The following ANO6 variants were observed in gnomAD, a reference collection of about 807,000 sequenced individuals.
The protein encoded by ANO6 is anoctamin-6.
In ANO6, 106 loss-of-function variants were observed where a neutral mutation model predicts 117.5. The ratio of observed to expected loss-of-function variants is 0.90; its 90% confidence interval spans 0.77 to 1.06. The LOEUF (loss-of-function observed/expected upper bound fraction) is 1.06, where lower values mean the gene tolerates loss of function less well. Among genes scored for constraint, ANO6 ranks in the 50% least tolerant of loss-of-function variants. The pLI, the probability that ANO6 is intolerant of heterozygous loss-of-function variation, is 0.00. For synonymous variants in ANO6, 367 were observed against 385.1 expected, an observed-to-expected ratio of 0.95 and a Z score of 0.55; for missense variants, 955 against 1,121.1, an observed-to-expected ratio of 0.85 and a Z score of 2.12.
rs1943013001 is a variant in ANO6 at position 45,408,853 on chromosome 12, A to T, written c.1881-504A>T. Among the ~76,000 whole-genome samples, 11 of 151,412 alleles carry T rather than the reference A, an allele frequency of 7.3e-5. No individual in the cohort carries two copies. The South Asian group carries it at 2.3e-3, about 32-fold the overall frequency. ...TGGGACTTCTTCCCCCAGGTTTCCCACTCCTTTGTCTCCTTCACATCCTTA... is the reference window on the plus strand; with the variant it reads ...TGGGACTTCTTCCCCCAGGTTTCCCTCTCCTTTGTCTCCTTCACATCCTTA... On this transcript the variant is annotated intron_variant, in intron 15 of 19. Coordinates refer to ENST00000320560, the MANE Select transcript of ANO6 (RefSeq NM_001025356.3).
chr12:45,331,527 A>G lies in ANO6; in HGVS notation c.279+104A>G, dbSNP rs549016070. On this transcript the variant is annotated intron_variant, in intron 3 of 19. Coordinates refer to ENST00000320560, the MANE Select transcript of ANO6 (RefSeq NM_001025356.3). ...AAAGTGAAACTGATGTTGAAATATCATACACAAAACAGTTTCATATTTTCT... is the reference window on the plus strand; with the variant it reads ...AAAGTGAAACTGATGTTGAAATATCGTACACAAAACAGTTTCATATTTTCT... 3.4e-4 allele frequency: 369 copies of G among 1,095,258 alleles called. 1 individual carries two copies. The highest frequency in any genetic ancestry group is 4.5e-4 in the Non-Finnish European group (349 of 770,804). The allele number at this position is 1,095,258 out of a possible 1,614,324, so 67.8% of individuals were successfully genotyped here.
chr12:45,375,290 T>G (rs1209309610), intron 9 of ANO6, among the ~76,000 whole-genome samples: 1 of 152,214 alleles, frequency 6.6e-6, no homozygotes, highest in Non-Finnish European at 1.5e-5. Flanking sequence ...CAAGGTAATT[T>G]GCAGATTCAA....
At chr12:45,323,441 G>T (rs1324252762) in intron 2 of ANO6, among the ~76,000 whole-genome samples, 1 of 152,194 alleles carries the variant, frequency 6.6e-6, no homozygotes, top group Non-Finnish European at 1.5e-5. Context: ...GATGCAGGTG[G>T]AAGTTTCTGA....
At chr12:45,226,984 C>CTTTTTTTTT (rs906373347) in intron 1 of ANO6, among the ~76,000 whole-genome samples, 3 of 112,760 alleles carry the variant, frequency 2.7e-5, no homozygotes, top group East Asian at 2.5e-4. Flanking sequence ...TTATCATTTT[C>CTTTTTTTTT]TTTTTTTTTT....
chr12:45,395,863 T>C, intron 12 of ANO6, among the ~76,000 whole-genome samples: 1 of 152,208 alleles, frequency 6.6e-6, no homozygotes, highest in East Asian at 1.9e-4. Flanking sequence ...GAGCTATTTA[T>C]GACAAACCCA....
At chr12:45,413,117 T>C (rs1436086343) in intron 16 of ANO6, among the ~76,000 whole-genome samples, 1 of 152,194 alleles carries the variant, frequency 6.6e-6, no homozygotes, top group Non-Finnish European at 1.5e-5. Context: ...GGAATATTTG[T>C]AAACAAGATA....
At chr12:45,352,319 T>G (rs1398879051) in intron 7 of ANO6, among the ~76,000 whole-genome samples, 2 of 152,100 alleles carry the variant, frequency 1.3e-5, no homozygotes, top group African/African-American at 4.8e-5. Flanking sequence ...TACTCCCACT[T>G]CTTTCCCTCC....
chr12:45,233,226 T>C (rs1472649792), intron 1 of ANO6, among the ~76,000 whole-genome samples: 1 of 152,210 alleles, frequency 6.6e-6, no homozygotes, highest in Non-Finnish European at 1.5e-5. Flanking sequence ...TCTCTCAATA[T>C]TTGTTGCCCA....
intron 2 of ANO6, among the ~76,000 whole-genome samples, chr12:45,311,309 G>A (rs746246688): frequency 6.6e-6 from 1 of 152,042 alleles, no homozygotes; most frequent in Non-Finnish European, 1.5e-5. Flanking sequence ...AGTAATGATG[G>A]ATCACATGAA....
At chr12:45,230,461 A>G (rs184028483) in intron 1 of ANO6, among the ~76,000 whole-genome samples, 7 of 149,452 alleles carry the variant, frequency 4.7e-5, no homozygotes, top group East Asian at 1.9e-4. Flanking sequence ...TATAAATTAT[A>G]TATACAAAAT....
chr12:45,311,888 A>C (rs971901905), intron 2 of ANO6, among the ~76,000 whole-genome samples: 2 of 152,066 alleles, frequency 1.3e-5, no homozygotes, highest in Non-Finnish European at 2.9e-5. Context: ...ATTGAGTTTT[A>C]TGCAGTTCAT....
In ANO6 at chr12:45,413,640, AAAG is replaced by A. The variant is rs376919746; in HGVS notation, c.2012-3054_2012-3052del. Reference sequence around the variant, plus strand: ...AAGAGTGAGGGAGGCTCACAAAGAAAAAGAAGAGCAGAGCAGTGGGAAGAAGTC... The same window carrying A: ...AAGAGTGAGGGAGGCTCACAAAGAAAAAGAGCAGAGCAGTGGGAAGAAGTC... On this transcript the variant is annotated intron_variant, in intron 16 of 19. Transcript: ENST00000320560. Among the ~76,000 whole-genome samples the A allele has an allele frequency of 2.7e-3, 408 of 152,322 alleles. 1 individual carries two copies. Among genetic ancestry groups the A allele is most frequent in the Non-Finnish European group, 4.9e-3 (334 of 68,022 alleles).
chr12:45,376,750 C>T (rs1034798910), intron 9 of ANO6, among the ~76,000 whole-genome samples: 3 of 149,572 alleles, frequency 2.0e-5, no homozygotes, highest in Admixed American at 1.3e-4. Context: ...ATACCTAATG[C>T]TAGATGATGA....
At chr12:45,289,258 C>T (rs1439822185) in intron 1 of ANO6, among the ~76,000 whole-genome samples, 1 of 151,436 alleles carries the variant, frequency 6.6e-6, no homozygotes, top group Non-Finnish European at 1.5e-5. Context: ...CCTCCACCTC[C>T]CAGATTCAAG....
chr12:45,434,813 C>T (rs1943689404), downstream of ANO6, among the ~76,000 whole-genome samples: 1 of 152,176 alleles, frequency 6.6e-6, no homozygotes, highest in Non-Finnish European at 1.5e-5. Flanking sequence ...ATGCTCTTTT[C>T]ATTGGTGGTG....
At chr12:45,297,396 A>G (rs1939330013) in intron 1 of ANO6, among the ~76,000 whole-genome samples, 1 of 152,190 alleles carries the variant, frequency 6.6e-6, no homozygotes, top group African/African-American at 2.4e-5. Flanking sequence ...TAGATAATAG[A>G]TTGTCTGAGT....
At chr12:45,399,727 C>G (rs1012434816) in intron 12 of ANO6, among the ~76,000 whole-genome samples, 2 of 152,142 alleles carry the variant, frequency 1.3e-5, no homozygotes, top group African/African-American at 4.8e-5. Flanking sequence ...CAGAGGAGTT[C>G]TTTCCCCTGA....
At position 45,416,878 on chromosome 12, in the gene ANO6, A is replaced by G. The variant is rs1396975908; in HGVS notation, c.2191A>G (p.Ile731Val). 6.2e-7 allele frequency: 1 copy of G among 1,614,196 alleles called. No individual in the cohort carries two copies. Among genetic ancestry groups the G allele is most frequent in the South Asian group, 1.1e-5 (1 of 91,084 alleles). Reference sequence around the variant, plus strand: ...AGCATGGCAGCCCATCATGCAAGGAATAGCAATTCTGGCTGTGGTGACCAA... The same window carrying G: ...AGCATGGCAGCCCATCATGCAAGGAGTAGCAATTCTGGCTGTGGTGACCAA... ...IGAWQPIMQG[I>V]AILAVVTNAM... The change falls in exon 17 of 20, where the codon ATA becomes GTA. Residue 731 changes from isoleucine (I) to valine (V), a missense_variant. Ile to Val is a conservative substitution (Grantham distance 29). Coordinates refer to ENST00000320560, the MANE Select transcript of ANO6 (RefSeq NM_001025356.3).
At chr12:45,369,937 A>C (rs1282879734) in intron 9 of ANO6, among the ~76,000 whole-genome samples, 3 of 152,254 alleles carry the variant, frequency 2.0e-5, no homozygotes, top group Non-Finnish European at 4.4e-5. Flanking sequence ...TAGTTATAAA[A>C]TTTTGACTTT....
Sources: gnomAD v4.1 joint callset for allele counts (sites outside exome capture counted in the v4.1 genomes callset) on GRCh38, gnomAD v4.1.1 for gene constraint, MANE v1.5 for transcripts, NCBI Gene and HGNC (gene_info 2026-07-23, HGNC 2026-07-21) for gene names.